Variants in HDAC9 observed in about 807,000 individuals in gnomAD.
HDAC9 encodes the protein histone deacetylase 9.
In HDAC9, 41 loss-of-function variants were observed where a neutral mutation model predicts 139.4. That is an observed-to-expected ratio of 0.29 (90% CI 0.23 to 0.38). HDAC9 has a LOEUF of 0.38. Among genes scored for constraint, HDAC9 ranks in the 10% least tolerant of loss-of-function variants. The probability of loss-of-function intolerance (pLI) is 1.00; values close to 1 mark genes in which losing one functional copy is unlikely to be tolerated. For synonymous variants in HDAC9, 517 were observed against 476.2 expected, an observed-to-expected ratio of 1.09 and a Z score of -1.12; for missense variants, 1,147 against 1,297.0, an observed-to-expected ratio of 0.88 and a Z score of 1.78.
intron 1 of HDAC9, among the ~76,000 whole-genome samples, chr7:18,416,068 C>T (rs112903808): frequency 2.0e-5 from 3 of 152,124 alleles, no homozygotes; most frequent in South Asian, 2.1e-4. Flanking sequence ...CCAAGGTGGG[C>T]GGATCACCTG....
At chr7:18,227,508 T>C (rs1159740605) in intron 2 of HDAC9, among the ~76,000 whole-genome samples, 5 of 152,160 alleles carry the variant, frequency 3.3e-5, no homozygotes, top group African/African-American at 2.4e-5. Context: ...TTTTAGTTGC[T>C]GCCAATATAC....
At chr7:18,748,221 TATC>T (rs1317055397) in intron 13 of HDAC9, among the ~76,000 whole-genome samples, 1 of 152,192 alleles carries the variant, frequency 6.6e-6, no homozygotes, top group East Asian at 1.9e-4. Flanking sequence ...TAATTCATCT[TATC>T]ATGTTATTAT....
intron 12 of HDAC9, among the ~76,000 whole-genome samples, chr7:18,697,598 T>C (rs1490924009): frequency 1.3e-5 from 2 of 152,188 alleles, no homozygotes; most frequent in Non-Finnish European, 2.9e-5. Context: ...ATACCACCTA[T>C]GTTAAGACTG....
At chr7:18,417,757 G>A (rs891830501) in intron 1 of HDAC9, among the ~76,000 whole-genome samples, 3 of 152,090 alleles carry the variant, frequency 2.0e-5, no homozygotes, top group Admixed American at 6.5e-5. Flanking sequence ...AGTGCTGGTC[G>A]CTGTTAGCTT....
chr7:18,872,608 G>T (rs182608021), intron 21 of HDAC9, among the ~76,000 whole-genome samples: 53 of 152,178 alleles, frequency 3.5e-4, no homozygotes, highest in African/African-American at 1.2e-3. Flanking sequence ...AAATTCACTT[G>T]CTTTTTGTGG....
intron 2 of HDAC9, among the ~76,000 whole-genome samples, chr7:18,498,549 T>G (rs1797550622): frequency 6.6e-6 from 1 of 152,134 alleles, no homozygotes. Context: ...CTACAAATCT[T>G]GTTCAGCTCC....
chr7:18,597,002 C>G (rs1238919271), intron 6 of HDAC9, among the ~76,000 whole-genome samples: 2 of 152,020 alleles, frequency 1.3e-5, no homozygotes, highest in Non-Finnish European at 2.9e-5. Flanking sequence ...TAGGACCTTC[C>G]CCAGACAGTG....
Position 18,564,222 on chromosome 7 carries a change from A to G in HDAC9, c.23-21059A>G, listed in dbSNP as rs562893367. Among the ~76,000 whole-genome samples the G allele has an allele frequency of 4.2e-3, 632 of 152,188 alleles. 4 individuals carry two copies. The highest frequency in any genetic ancestry group is 0.015 in the African/African-American group (612 of 41,472). On this transcript the variant is annotated intron_variant, in intron 2 of 25. Coordinates refer to ENST00000686413, the MANE Select transcript of HDAC9 (RefSeq NM_178425.4). Reference sequence around the variant, plus strand: ...TAGTTTAGAAACAAGGAAACAGTACAGTTGCAACCATACAATTGAAAAAAA... The same window carrying G: ...TAGTTTAGAAACAAGGAAACAGTACGGTTGCAACCATACAATTGAAAAAAA...
intron 25 of HDAC9, among the ~76,000 whole-genome samples, chr7:18,986,900 T>G (rs565725795): frequency 6.6e-6 from 1 of 152,298 alleles, no homozygotes; most frequent in Admixed American, 6.5e-5. Context: ...ATGCTTGTGA[T>G]TTTTGTACAT....
chr7:18,156,692 A>G (rs1458686105), intron 1 of HDAC9, among the ~76,000 whole-genome samples: 1 of 152,214 alleles, frequency 6.6e-6, no homozygotes, highest in Non-Finnish European at 1.5e-5. Flanking sequence ...CTCCACTAAC[A>G]TAAGATACAT....
At chr7:18,246,408 T>C (rs1794529302) in intron 2 of HDAC9, among the ~76,000 whole-genome samples, 1 of 152,134 alleles carries the variant, frequency 6.6e-6, no homozygotes, top group Middle Eastern at 3.4e-3. Context: ...GTACGATTCA[T>C]TGGCATTTCG....
intron 1 of HDAC9, among the ~76,000 whole-genome samples, chr7:18,437,395 A>G (rs1791303158): frequency 6.6e-6 from 1 of 152,048 alleles, no homozygotes; most frequent in Non-Finnish European, 1.5e-5. Context: ...TGGACAACTC[A>G]TTTCAAGCCT....
chr7:18,535,554 A>T (rs1810586337), intron 2 of HDAC9, among the ~76,000 whole-genome samples: 2 of 151,788 alleles, frequency 1.3e-5, no homozygotes, highest in African/African-American at 4.8e-5. Context: ...ATATCTACAT[A>T]CATTCATTTC....
intron 25 of HDAC9, among the ~76,000 whole-genome samples, chr7:18,991,014 C>T (rs952294632): frequency 2.6e-5 from 4 of 152,324 alleles, no homozygotes; most frequent in African/African-American, 4.8e-5. Flanking sequence ...TCTGCGTTGC[C>T]CATGCTGGGA....
intron 2 of HDAC9, among the ~76,000 whole-genome samples, chr7:18,208,381 T>TG (rs796583478): frequency 9.5e-4 from 144 of 150,888 alleles, no homozygotes; most frequent in African/African-American, 3.3e-3. Flanking sequence ...TCTTTTTTTT[T>TG]TTTTTTTTTG....
chr7:18,911,798 A>G (rs1802765649), intron 22 of HDAC9, among the ~76,000 whole-genome samples: 1 of 151,936 alleles, frequency 6.6e-6, no homozygotes, highest in African/African-American at 2.4e-5. Context: ...ATGTATTTGT[A>G]CAGTTTCCAA....
chr7:18,904,627 A>G (rs1002886057), intron 22 of HDAC9, among the ~76,000 whole-genome samples: 10 of 129,518 alleles, frequency 7.7e-5, no homozygotes, highest in Middle Eastern at 5.6e-3. Flanking sequence ...TCCCAGGCTG[A>G]AGTGCAGTGA....
At chr7:18,187,239 T>C (rs910070680) in intron 2 of HDAC9, among the ~76,000 whole-genome samples, 3 of 152,200 alleles carry the variant, frequency 2.0e-5, no homozygotes, top group African/African-American at 7.2e-5. Context: ...TATAATCTCA[T>C]TGAATCTTCA....
intron 12 of HDAC9, among the ~76,000 whole-genome samples, chr7:18,703,420 T>A (rs1392700803): frequency 6.6e-6 from 1 of 152,122 alleles, no homozygotes; most frequent in East Asian, 1.9e-4. Context: ...AAAGTAGCAA[T>A]AAGGGTAAAA....
Sources: gnomAD v4.1 joint callset for allele counts (sites outside exome capture counted in the v4.1 genomes callset) on GRCh38, gnomAD v4.1.1 for gene constraint, MANE v1.5 for transcripts, NCBI Gene and HGNC (gene_info 2026-07-23, HGNC 2026-07-21) for gene names.